AHCY: variants seen among roughly 807,000 people sequenced by gnomAD.
AHCY encodes the protein S-adenosyl-L-homocysteine hydrolase.
A neutral mutation model predicts 45.4 loss-of-function variants in AHCY; 24 were observed. The observed-to-expected ratio is 0.53, with a 90% confidence interval of 0.38 to 0.74. The LOEUF (loss-of-function observed/expected upper bound fraction) is 0.74. Among genes scored for constraint, AHCY ranks in the 30% least tolerant of loss-of-function variants. AHCY has a pLI of 0.00. For missense variants in AHCY, 449 were observed against 594.1 expected, an observed-to-expected ratio of 0.76 and a Z score of 2.54; for synonymous variants, 245 against 235.1, an observed-to-expected ratio of 1.04 and a Z score of -0.39.
chr20:34,279,409 C>T (rs530345840), downstream of AHCY, among the ~76,000 whole-genome samples: 44 of 147,176 alleles, frequency 3.0e-4, no homozygotes, highest in Admixed American at 7.5e-4. Flanking sequence ...GGCAACAGAG[C>T]GAGACTGTCT....
chr20:34,300,841 G>A (rs1475680855), intron 1 of AHCY, among the ~76,000 whole-genome samples: 1 of 152,210 alleles, frequency 6.6e-6, no homozygotes, highest in East Asian at 1.9e-4. Context: ...CCAGACTGGG[G>A]TGGTGACCGT....
At position 34,280,860 on chromosome 20, in the gene AHCY, C is replaced by T. The variant is rs995010972; in HGVS notation, c.*174G>A. On this transcript the variant is annotated 3_prime_UTR_variant, in exon 10 of 10. Coordinates refer to ENST00000217426, the MANE Select transcript of AHCY (RefSeq NM_000687.4). ...AGAGGGTACTCTGTTCCCGCTGCCA[C>T]ATTTGGAACAGTATGACGGCTGCAG... is the stretch of plus-strand genomic sequence containing the variant. 2 of 984,912 alleles carry T rather than the reference C, an allele frequency of 2.0e-6. No individual in the cohort carries two copies. The highest frequency in any genetic ancestry group is 3.0e-6 in the Non-Finnish European group (2 of 661,934). The allele number at this position is 984,912 out of a possible 1,614,324, so 61.0% of individuals were successfully genotyped here. A position where few individuals can be genotyped will look rare whatever the true frequency, so the allele number is the denominator to read the frequency against.
intron 4 of AHCY, among the ~76,000 whole-genome samples, 169 bp from the exon 5 acceptor site, chr20:34,291,700 C>A (rs536778779): frequency 1.2e-4 from 19 of 152,300 alleles, no homozygotes; most frequent in South Asian, 8.3e-4. Flanking sequence ...TCCCCAACGC[C>A]CTCCTACAGG....
At chr20:34,310,062 T>C (rs2036932940) in intron 1 of AHCY, among the ~76,000 whole-genome samples, 1 of 149,608 alleles carries the variant, frequency 6.7e-6, no homozygotes, top group Non-Finnish European at 1.5e-5. Context: ...GAATGATGAA[T>C]TTTTTTTTTG....
the AHCY span, among the ~76,000 whole-genome samples, chr20:34,237,988 A>C: frequency 1.1e-4 from 17 of 152,120 alleles, no homozygotes; most frequent in African/African-American, 3.6e-4. Flanking sequence ...TGGCCTCCAA[A>C]GTTTCTGATA....
At chr20:34,255,096 A>G in the AHCY span, among the ~76,000 whole-genome samples, 1 of 152,142 alleles carries the variant, frequency 6.6e-6, no homozygotes, top group African/African-American at 2.4e-5. Context: ...GGCTGCTCTG[A>G]TGGTGAACTG....
the AHCY span, among the ~76,000 whole-genome samples, chr20:34,258,690 T>TATATATATATATATATATACACAC: frequency 1.5e-4 from 11 of 72,306 alleles, 1 homozygote; most frequent in Middle Eastern, 0.011. Context: ...TATATATATA[T>TATATATATATATATATATACACAC]ACATACTATA....
chr20:34,279,498 T>G (rs1259240139), downstream of AHCY, among the ~76,000 whole-genome samples: 1 of 152,088 alleles, frequency 6.6e-6, no homozygotes, highest in Non-Finnish European at 1.5e-5. Flanking sequence ...CTCAGCCTGT[T>G]TTGACCACTT....
At chr20:34,249,476 C>T in the AHCY span, among the ~76,000 whole-genome samples, 3 of 152,132 alleles carry the variant, frequency 2.0e-5, no homozygotes, top group Non-Finnish European at 4.4e-5. Flanking sequence ...TCTTCATAAC[C>T]ACTGTGTCAT....
At chr20:34,294,244 T>C (rs1421057129) in intron 2 of AHCY, 88 bp from the exon 3 acceptor site, 2 of 1,209,202 alleles carry the variant, frequency 1.7e-6, no homozygotes, top group South Asian at 2.6e-5. Context: ...GAGCTTCGGG[T>C]AGTGGGGAGA....
At chr20:34,258,898 G>A in the AHCY span, among the ~76,000 whole-genome samples, 1 of 127,020 alleles carries the variant, frequency 7.9e-6, no homozygotes, top group Non-Finnish European at 1.6e-5. Flanking sequence ...TATATATATA[G>A]TGTATATATA....
chr20:34,291,534 A>G lies in AHCY; in HGVS notation c.446-3T>C, dbSNP rs760942291. 2 of 1,613,192 alleles carry G rather than the reference A, an allele frequency of 1.2e-6. No individual in the cohort carries two copies. Among genetic ancestry groups the G allele is most frequent in the Admixed American group, 1.7e-5 (1 of 60,020 alleles). On this transcript the variant is annotated splice_polypyrimidine_tract_variant and splice_region_variant and intron_variant, in intron 4 of 9. Transcript: ENST00000217426. Reference sequence around the variant, plus strand: ...CTCCTCAGAGATGCCTCGGATGCCTAAACAAGAGGGGACAGGACAAGCCTC... The same window carrying G: ...CTCCTCAGAGATGCCTCGGATGCCTGAACAAGAGGGGACAGGACAAGCCTC...
the AHCY span, among the ~76,000 whole-genome samples, chr20:34,268,332 C>T: frequency 6.6e-6 from 1 of 152,108 alleles, no homozygotes; most frequent in Non-Finnish European, 1.5e-5. Context: ...CGGTGCACAG[C>T]GGGGCAGCGA....
At chr20:34,277,754 CA>C (rs59920283), downstream of AHCY, among the ~76,000 whole-genome samples, 5,489 of 39,778 alleles carry the variant, frequency 0.14, 275 homozygotes, top group African/African-American at 0.38. Flanking sequence ...GACTCCATCT[CA>C]AAAAAAAAAA....
chr20:34,273,948 C>T, the AHCY span, among the ~76,000 whole-genome samples: 2 of 150,598 alleles, frequency 1.3e-5, no homozygotes, highest in East Asian at 3.9e-4. Context: ...GCTGGATATA[C>T]GAGTTGTAGA....
At chr20:34,235,637 G>T in the AHCY span, among the ~76,000 whole-genome samples, 1 of 151,674 alleles carries the variant, frequency 6.6e-6, no homozygotes, top group Non-Finnish European at 1.5e-5. Flanking sequence ...AGAAAAGTCT[G>T]GCTGGGCATG....
At chr20:34,260,595 T>C in the AHCY span, 1 of 1,494,520 alleles carries the variant, frequency 6.7e-7, no homozygotes. Context: ...TCAAGCATGC[T>C]TCCCAGGGTG....
At chr20:34,301,885 G>A (rs1003596286) in intron 1 of AHCY, 14 of 985,298 alleles carry the variant, frequency 1.4e-5, no homozygotes, top group South Asian at 4.7e-5. Flanking sequence ...TCTATATAAC[G>A]GGATTACGTC....
the AHCY span, among the ~76,000 whole-genome samples, chr20:34,254,709 A>G: frequency 3.3e-5 from 5 of 152,288 alleles, no homozygotes; most frequent in South Asian, 8.3e-4. Flanking sequence ...TAATATATGG[A>G]TGATACTATT....
Sources: gnomAD v4.1 joint callset for allele counts (sites outside exome capture counted in the v4.1 genomes callset) on GRCh38, gnomAD v4.1.1 for gene constraint, MANE v1.5 for transcripts, NCBI Gene and HGNC (gene_info 2026-07-23, HGNC 2026-07-21) for gene names.